The following MOSPD2 variants were observed in gnomAD, a reference collection of about 807,000 sequenced individuals.
MOSPD2 encodes motile sperm domain containing 2.
MOSPD2 carries 5 observed loss-of-function variants against 41.7 expected under a neutral mutation model. That is an observed-to-expected ratio of 0.12 (90% confidence interval 0.06 to 0.25). The LOEUF is 0.25. MOSPD2 is among the 10% of genes least tolerant of loss of function. The probability of loss-of-function intolerance (pLI) is 1.00; values close to 1 mark genes in which losing one functional copy is unlikely to be tolerated. For missense variants in MOSPD2, 282 were observed against 375.2 expected, an observed-to-expected ratio of 0.75 and a Z score of 2.05; for synonymous variants, 115 against 126.9, an observed-to-expected ratio of 0.91 and a Z score of 0.63.
At chrX:14,906,412 C>T (rs2147497704) in intron 7 of MOSPD2, among the ~76,000 whole-genome samples, 1 of 110,801 alleles carries the variant, frequency 9.0e-6, no homozygotes, top group African/African-American at 3.3e-5. Flanking sequence ...GAAGTTGGAC[C>T]CCACCTTACA....
intron 2 of MOSPD2, chrX:14,874,450 G>T (rs1478835291): frequency 1.8e-5 from 2 of 111,889 alleles, no homozygotes; most frequent in African/African-American, 6.5e-5. Flanking sequence ...TTTATATGTT[G>T]CCTACCTTAA....
chrX:14,918,145 T>A (rs758428893), intron 13 of MOSPD2, among the ~76,000 whole-genome samples: 32 of 112,176 alleles, frequency 2.9e-4, no homozygotes, highest in African/African-American at 9.4e-4. Flanking sequence ...GTATAAAAGG[T>A]GTTGCAGATT....
chrX:14,907,371 A>T (rs903406079), intron 7 of MOSPD2, among the ~76,000 whole-genome samples: 14 of 112,258 alleles, frequency 1.2e-4, no homozygotes, highest in African/African-American at 4.2e-4. Flanking sequence ...GCCCAAGAGA[A>T]GTGACAACGT....
chrX:14,902,307 A>G lies in MOSPD2; in HGVS notation c.539-659A>G, dbSNP rs147121298. On this transcript the variant is annotated intron_variant, in intron 6 of 14. Transcript: ENST00000380492. ...ATAGAGGAATGAATTGAATCTCAAA[A>G]ATCTTCTTTGCAGTTTCTGGTTCTT... 2.9e-3 allele frequency among the ~76,000 whole-genome samples: 325 copies of G among 111,626 alleles called. 1 individual carries two copies. Among genetic ancestry groups the G allele is most frequent in the African/African-American group, 9.5e-3 (292 of 30,718 alleles).
intron 13 of MOSPD2, among the ~76,000 whole-genome samples, chrX:14,917,780 G>A (rs1370129038): frequency 8.9e-6 from 1 of 111,886 alleles, no homozygotes; most frequent in Non-Finnish European, 1.9e-5. Flanking sequence ...AACACTTTGC[G>A]AGGCTGAGGT....
chrX:14,876,092 T>C (rs1403505736), intron 2 of MOSPD2, among the ~76,000 whole-genome samples: 3 of 112,050 alleles, frequency 2.7e-5, no homozygotes, highest in Non-Finnish European at 3.8e-5. Context: ...AAAAAGAAAA[T>C]AGAAGCCTTT....
intron 5 of MOSPD2, among the ~76,000 whole-genome samples, chrX:14,899,543 T>A (rs1336203026): frequency 2.6e-4 from 24 of 91,812 alleles, no homozygotes; most frequent in African/African-American, 8.4e-4. Flanking sequence ...CAAAGGTATT[T>A]TATATATATA....
chrX:14,880,796 G>A lies in MOSPD2; in HGVS notation c.79+7038G>A, dbSNP rs6631267. Among the ~76,000 whole-genome samples, 8 of 111,768 alleles carry A rather than the reference G, an allele frequency of 7.2e-5. No individual in the cohort carries two copies. In the East Asian group the frequency reaches 1.7e-3, roughly 23 times the overall value. Reference sequence around the variant, plus strand: ...TTTTCTCCTTTACTGTGTTAATATGGTAGATTACATTGATTAGGTTTTTAA... The same window carrying A: ...TTTTCTCCTTTACTGTGTTAATATGATAGATTACATTGATTAGGTTTTTAA... On this transcript the variant is annotated intron_variant, in intron 2 of 14. Coordinates refer to ENST00000380492, the MANE Select transcript of MOSPD2 (RefSeq NM_152581.4).
At chrX:14,902,415 T>G (rs966953521) in intron 6 of MOSPD2, among the ~76,000 whole-genome samples, 1 of 111,906 alleles carries the variant, frequency 8.9e-6, no homozygotes, top group African/African-American at 3.3e-5. Flanking sequence ...TACTTTGGAA[T>G]TATTAGCTTC....
Position 14,881,287 on chromosome X carries a change from A to C in MOSPD2, c.79+7529A>C, listed in dbSNP as rs145278725. On this transcript the variant is annotated intron_variant, in intron 2 of 14. Coordinates refer to ENST00000380492, the MANE Select transcript of MOSPD2 (RefSeq NM_152581.4). ...CTTTGAGGAATGCCTTCATTTTGTT[A>C]GGCTGAAGGAGACAAAGTGGTTAGA... 5.1e-3 allele frequency among the ~76,000 whole-genome samples: 550 copies of C among 108,297 alleles called. 6 individuals are homozygous for C. The highest frequency in any genetic ancestry group is 0.017 in the African/African-American group (516 of 29,598). The allele number at this position is 108,297 out of a possible 115,157, so 94.0% of individuals were successfully genotyped here.
intron 2 of MOSPD2, among the ~76,000 whole-genome samples, chrX:14,891,616 G>A (rs1034639808): frequency 4.8e-5 from 5 of 105,259 alleles, no homozygotes. Flanking sequence ...TCACCAGGCT[G>A]GAGTGCAGTG....
chrX:14,912,402 A>C lies in MOSPD2; in HGVS notation c.992+41A>C, dbSNP rs1225014544. The C allele has an allele frequency of 4.5e-6, 4 of 892,640 alleles. No homozygotes were observed. The Admixed American group carries it at 1.4e-4, about 31-fold the overall frequency. 73.6% of individuals were successfully genotyped at this position (892,640 alleles called of 1,213,427 possible). Reference sequence around the variant, plus strand: ...TTTATTAGCTATAATTTTATAACATATCTTGATCACCTTGAGGGAGCCACA... The same window carrying C: ...TTTATTAGCTATAATTTTATAACATCTCTTGATCACCTTGAGGGAGCCACA... On this transcript the variant is annotated intron_variant, in intron 10 of 14. Coordinates refer to ENST00000380492, the MANE Select transcript of MOSPD2 (RefSeq NM_152581.4).
chrX:14,911,154 A>T, intron 8 of MOSPD2, 83 bp from the exon 9 acceptor site: 1 of 864,210 alleles, frequency 1.2e-6, no homozygotes, highest in Non-Finnish European at 1.6e-6. Context: ...TTTCTTGGCC[A>T]AAGTAATGAA....
intron 3 of MOSPD2, among the ~76,000 whole-genome samples, chrX:14,894,178 C>A (rs1190572021): frequency 9.0e-6 from 1 of 110,902 alleles, no homozygotes; most frequent in East Asian, 2.8e-4. Context: ...GTCACCCAGG[C>A]TGGAATGCAG....
At chrX:14,888,013 C>T (rs1338257472) in intron 2 of MOSPD2, among the ~76,000 whole-genome samples, 4 of 110,530 alleles carry the variant, frequency 3.6e-5, no homozygotes, top group Non-Finnish European at 7.6e-5. Flanking sequence ...CCATAGGGTG[C>T]TGATAGTTCA....
chrX:14,916,033 A>G (rs1477653526), intron 12 of MOSPD2, among the ~76,000 whole-genome samples, 164 bp from the exon 13 acceptor site: 1 of 112,843 alleles, frequency 8.9e-6, no homozygotes. Context: ...TTGAATTTCA[A>G]AAGAGAAATT....
intron 2 of MOSPD2, among the ~76,000 whole-genome samples, chrX:14,885,036 T>C (rs368381082): frequency 9.0e-5 from 10 of 111,705 alleles, no homozygotes; most frequent in African/African-American, 3.2e-4. Context: ...GCAAGAAATA[T>C]TTAAGATTTA....
intron 13 of MOSPD2, 107 bp from the exon 14 acceptor site, chrX:14,918,573 T>A (rs1249844606): frequency 3.9e-6 from 2 of 515,306 alleles, no homozygotes; most frequent in Non-Finnish European, 6.3e-6. Flanking sequence ...ATGAGGACTT[T>A]TACCTCTGTT....
chrX:14,882,733 A>G (rs1234662431), intron 2 of MOSPD2, among the ~76,000 whole-genome samples: 2 of 110,694 alleles, frequency 1.8e-5, no homozygotes, highest in African/African-American at 3.3e-5. Context: ...TGGTAAACCT[A>G]TTTATTTTTG....
Sources: gnomAD v4.1 joint callset for allele counts (sites outside exome capture counted in the v4.1 genomes callset) on GRCh38, gnomAD v4.1.1 for gene constraint, MANE v1.5 for transcripts, NCBI Gene and HGNC (gene_info 2026-07-23, HGNC 2026-07-21) for gene names.